Variants in CNTN6 observed in about 807,000 individuals in gnomAD.
CNTN6 encodes contactin-6.
A neutral mutation model predicts 122.8 loss-of-function variants in CNTN6; 137 were observed. The ratio of observed to expected loss-of-function variants is 1.12; its 90% confidence interval spans 0.97 to 1.29. CNTN6 has a LOEUF of 1.29. Ranked by LOEUF, CNTN6 falls within the 50% of genes most tolerant of loss-of-function variation. The pLI is 0.00. For synonymous variants in CNTN6, 570 were observed against 426.0 expected (o/e 1.34, Z -4.16); for missense variants, 1,634 against 1,223.4 (o/e 1.34, Z -5.01).
At chr3:1,372,558 A>G (rs1053028266) in intron 13 of CNTN6, 84 bp downstream of exon 13, 76 of 1,165,630 alleles carry the variant, frequency 6.5e-5, no homozygotes, top group Non-Finnish European at 8.5e-5. Context: ...TACTCTCTCC[A>G]TCTTTATTTG....
chr3:1,167,702 A>C (rs905215588), intron 2 of CNTN6, among the ~76,000 whole-genome samples: 2 of 152,178 alleles, frequency 1.3e-5, no homozygotes, highest in Non-Finnish European at 2.9e-5. Context: ...CCCAAGGTAC[A>C]GAGTGAGCCA....
chr3:1,151,599 A>C (rs1177648513), intron 2 of CNTN6, among the ~76,000 whole-genome samples: 1 of 152,212 alleles, frequency 6.6e-6, no homozygotes, highest in Non-Finnish European at 1.5e-5. Context: ...ACTTCAACAA[A>C]TATAGAAATA....
At chr3:1,330,813 C>T (rs1211997403) in intron 11 of CNTN6, among the ~76,000 whole-genome samples, 1 of 151,860 alleles carries the variant, frequency 6.6e-6, no homozygotes, top group African/African-American at 2.4e-5. Flanking sequence ...AGTTGTTACT[C>T]TTGGAAGAAA....
At chr3:1,116,535 T>C (rs756280939) in intron 1 of CNTN6, among the ~76,000 whole-genome samples, 2 of 152,032 alleles carry the variant, frequency 1.3e-5, no homozygotes, top group Non-Finnish European at 2.9e-5. Flanking sequence ...GTGGACAACA[T>C]TTGTATAGGC....
intron 17 of CNTN6, among the ~76,000 whole-genome samples, chr3:1,381,240 A>T (rs1691832791): frequency 6.6e-6 from 1 of 150,906 alleles, no homozygotes; most frequent in Non-Finnish European, 1.5e-5. Flanking sequence ...GATTCTTATA[A>T]ATCTCTTCCA....
At chr3:1,153,917 T>A (rs1405468352) in intron 2 of CNTN6, among the ~76,000 whole-genome samples, 1 of 152,176 alleles carries the variant, frequency 6.6e-6, no homozygotes, top group East Asian at 1.9e-4. Context: ...GAATGAATAT[T>A]GAGTACGTCA....
At chr3:1,276,509 A>G (rs1329795976) in intron 4 of CNTN6, among the ~76,000 whole-genome samples, 1 of 152,182 alleles carries the variant, frequency 6.6e-6, no homozygotes, top group Non-Finnish European at 1.5e-5. Context: ...ATAGCTCACG[A>G]TATGCTGCTT....
At chr3:1,103,074 C>G (rs1375524493) in intron 1 of CNTN6, among the ~76,000 whole-genome samples, 1 of 151,874 alleles carries the variant, frequency 6.6e-6, no homozygotes, top group Non-Finnish European at 1.5e-5. Flanking sequence ...CCACCGCACT[C>G]CAGCCTGGGC....
rs1709499455 is a variant in CNTN6 at position 1,374,004 on chromosome 3, G to C, written c.2026G>C (p.Val676Leu). The change falls in exon 16 of 23, where the codon GTT becomes CTT. Residue 676 changes from valine to leucine, a missense_variant. Val to Leu is a conservative substitution (Grantham distance 32). Coordinates refer to ENST00000446702, the MANE Select transcript of CNTN6 (RefSeq NM_001289080.2). ...TTGGGTGGAATATGAATTTCGTGTT[G>C]TTGCCGGCAACAGCATTGGGATTGG... is the stretch of plus-strand genomic sequence containing the variant. ...SPWVEYEFRV[V>L]AGNSIGIGEP... 1 of 1,613,260 alleles carries C rather than the reference G, an allele frequency of 6.2e-7. No homozygotes were observed. Among genetic ancestry groups the C allele is most frequent in the African/African-American group, 1.3e-5 (1 of 74,968 alleles).
chr3:1,390,636 G>A (rs1406073370), intron 20 of CNTN6, among the ~76,000 whole-genome samples: 1 of 151,944 alleles, frequency 6.6e-6, no homozygotes, highest in African/African-American at 2.4e-5. Context: ...TTTTTTGAAA[G>A]GATCAACAAA....
intron 1 of CNTN6, among the ~76,000 whole-genome samples, chr3:1,096,059 T>C (rs2090507643): frequency 6.6e-6 from 1 of 152,220 alleles, no homozygotes; most frequent in African/African-American, 2.4e-5. Flanking sequence ...TTCTTTTGCC[T>C]TAGACATGCA....
intron 4 of CNTN6, among the ~76,000 whole-genome samples, chr3:1,243,397 T>C (rs2094515590): frequency 6.6e-6 from 1 of 152,066 alleles, no homozygotes; most frequent in South Asian, 2.1e-4. Flanking sequence ...ATTGCAACTT[T>C]TTTCTATTAT....
intron 1 of CNTN6, among the ~76,000 whole-genome samples, chr3:1,128,583 T>C (rs988208526): frequency 2.6e-5 from 4 of 152,164 alleles, no homozygotes; most frequent in Middle Eastern, 3.4e-3. Flanking sequence ...TCAACGATTA[T>C]CTAGAGAAGC....
rs558218816 is a variant in CNTN6, at chr3:1,167,150, A to AAAAC, written c.55+19107_55+19110dup. 1.9e-3 allele frequency among the ~76,000 whole-genome samples: 287 copies of AAAAC among 152,218 alleles called. 1 individual carries two copies. Among genetic ancestry groups the AAAAC allele is most frequent in the South Asian group, 2.9e-3 (14 of 4,826 alleles). On this transcript the variant is annotated intron_variant, in intron 2 of 22. Transcript: ENST00000446702. ...GTGGAGGAGTGGGGAGAATAAAACA[A>AAAAC]AAACAAACAAACAAACAAACAAAAA...
chr3:1,352,172 C>A, intron 11 of CNTN6, 152 bp from the exon 12 acceptor site: 1 of 548,288 alleles, frequency 1.8e-6, no homozygotes, highest in Non-Finnish European at 3.0e-6. Context: ...TCAGAGATAG[C>A]TCACAATGAA....
At chr3:1,282,979 C>T (rs1693725172) in intron 5 of CNTN6, among the ~76,000 whole-genome samples, 1 of 152,058 alleles carries the variant, frequency 6.6e-6, no homozygotes, top group African/African-American at 2.4e-5. Context: ...CAACACAAAA[C>T]TCTTTTTTTT....
chr3:1,242,950 G>A (rs898044702), intron 4 of CNTN6, among the ~76,000 whole-genome samples: 13 of 152,226 alleles, frequency 8.5e-5, no homozygotes, highest in Middle Eastern at 3.4e-3. Context: ...GTAATGTGGA[G>A]TGGGTAGCCT....
chr3:1,113,291 A>G (rs28566845), intron 1 of CNTN6, among the ~76,000 whole-genome samples: 6,725 of 152,208 alleles, frequency 0.044, 518 homozygotes, highest in African/African-American at 0.15. Context: ...ATGTTATTCA[A>G]ATTTGCTTCA....
chr3:1,250,684 C>G lies in CNTN6; in HGVS notation c.358+22691C>G, dbSNP rs567827733. ...GAACCCACTTCCCAATCCTCCGCAGCTTGTGAAATTCTTCCTTGGGCCTCC... is the reference window on the plus strand; with the variant it reads ...GAACCCACTTCCCAATCCTCCGCAGGTTGTGAAATTCTTCCTTGGGCCTCC... On this transcript the variant is annotated intron_variant, in intron 4 of 22. Transcript: ENST00000446702. Among the ~76,000 whole-genome samples the G allele has an allele frequency of 1.3e-4, 20 of 152,256 alleles. No homozygotes were observed. The East Asian group carries it at 3.3e-3, about 25-fold the overall frequency.
Sources: gnomAD v4.1 joint callset for allele counts (sites outside exome capture counted in the v4.1 genomes callset) on GRCh38, gnomAD v4.1.1 for gene constraint, MANE v1.5 for transcripts, NCBI Gene and HGNC (gene_info 2026-07-23, HGNC 2026-07-21) for gene names.